Variants in AFG2A observed in about 807,000 individuals in gnomAD.
AFG2A encodes the protein AAA ATPase AFG2A.
the AFG2A span, chr4:122,933,348 A>G: frequency 1.1e-5 from 11 of 983,348 alleles, no homozygotes; most frequent in African/African-American, 5.0e-5. Flanking sequence ...GATTAAGTCT[A>G]TATTATAACC....
the AFG2A span, among the ~76,000 whole-genome samples, chr4:122,955,380 C>T: frequency 5.3e-5 from 8 of 152,272 alleles, no homozygotes; most frequent in East Asian, 1.2e-3. Flanking sequence ...ATGGCCTAAT[C>T]GCCTCCCAGT....
the AFG2A span, among the ~76,000 whole-genome samples, chr4:123,243,999 G>A: frequency 6.6e-6 from 1 of 152,024 alleles, no homozygotes; most frequent in Admixed American, 6.6e-5. Flanking sequence ...TCCAGCATGG[G>A]CAACAGAGCA....
At chr4:122,946,431 T>C in the AFG2A span, among the ~76,000 whole-genome samples, 1 of 152,246 alleles carries the variant, frequency 6.6e-6, no homozygotes, top group Non-Finnish European at 1.5e-5. Context: ...TTTTTGTACT[T>C]CTAAACTTAT....
chr4:123,312,286 G>C, the AFG2A span, among the ~76,000 whole-genome samples: 8 of 152,172 alleles, frequency 5.3e-5, no homozygotes, highest in African/African-American at 1.9e-4. Context: ...TATGAGGGGT[G>C]GGGGAGGTAT....
At chr4:123,217,705 A>C in the AFG2A span, among the ~76,000 whole-genome samples, 1 of 152,146 alleles carries the variant, frequency 6.6e-6, no homozygotes, top group South Asian at 2.1e-4. Flanking sequence ...AGAAGCAATC[A>C]CATTTTTATA....
the AFG2A span, among the ~76,000 whole-genome samples, chr4:123,168,706 T>C: frequency 3.3e-5 from 5 of 152,330 alleles, no homozygotes; most frequent in South Asian, 8.3e-4. Flanking sequence ...GTAAGTTCTT[T>C]TGTCTAAAGT....
the AFG2A span, among the ~76,000 whole-genome samples, chr4:123,141,917 G>A: frequency 0.012 from 1,798 of 152,174 alleles, 43 homozygotes; most frequent in African/African-American, 0.04. Context: ...CCTAAAAGGG[G>A]GGATATATGT....
At chr4:123,318,551 C>CTA in the AFG2A span, 2 of 152,122 alleles carry the variant, frequency 1.3e-5, no homozygotes, top group Non-Finnish European at 2.9e-5. Context: ...TCAGGTGTCA[C>CTA]TAATAACAGT....
At chr4:122,971,474 ATTATG>A in the AFG2A span, among the ~76,000 whole-genome samples, 1 of 152,192 alleles carries the variant, frequency 6.6e-6, no homozygotes, top group Admixed American at 6.5e-5. Flanking sequence ...TTATCTATCA[ATTATG>A]TTATAGTTTT....
At chr4:123,204,940 A>G in the AFG2A span, among the ~76,000 whole-genome samples, 1 of 152,214 alleles carries the variant, frequency 6.6e-6, no homozygotes, top group Non-Finnish European at 1.5e-5. Context: ...TACAATGGAA[A>G]TTGGCAATCA....
chr4:123,182,933 A>G, the AFG2A span, among the ~76,000 whole-genome samples: 7 of 152,322 alleles, frequency 4.6e-5, no homozygotes, highest in Admixed American at 2.0e-4. Context: ...TTTGCGTTAT[A>G]CACAGTTTAA....
chr4:123,165,175 A>G, the AFG2A span, among the ~76,000 whole-genome samples: 1 of 152,172 alleles, frequency 6.6e-6, no homozygotes, highest in Non-Finnish European at 1.5e-5. Flanking sequence ...AAGGAAAATT[A>G]TAGAGAAAAA....
chr4:123,169,342 A>G, the AFG2A span, among the ~76,000 whole-genome samples: 1 of 152,226 alleles, frequency 6.6e-6, no homozygotes, highest in African/African-American at 2.4e-5. Flanking sequence ...GGGAATTTAT[A>G]TTTAATACCA....
At chr4:123,246,903 T>C in the AFG2A span, among the ~76,000 whole-genome samples, 1 of 152,158 alleles carries the variant, frequency 6.6e-6, no homozygotes, top group Admixed American at 6.5e-5. Flanking sequence ...CCCGGCTCAT[T>C]TGGATTTGGG....
At chr4:123,137,868 A>G in the AFG2A span, among the ~76,000 whole-genome samples, 6 of 152,302 alleles carry the variant, frequency 3.9e-5, no homozygotes, top group South Asian at 2.1e-4. Context: ...AGCAATTACA[A>G]TATTCACATC....
chr4:123,020,259 C>A, the AFG2A span, among the ~76,000 whole-genome samples: 1 of 151,932 alleles, frequency 6.6e-6, no homozygotes, highest in African/African-American at 2.4e-5. Context: ...TGCAGTTTCA[C>A]TGTAGAAAAT....
chr4:123,098,469 A>T, the AFG2A span, among the ~76,000 whole-genome samples: 1 of 151,882 alleles, frequency 6.6e-6, no homozygotes, highest in Non-Finnish European at 1.5e-5. Context: ...TCTTGAACTT[A>T]TTTCTCCTGT....
At chr4:123,126,009 C>G in the AFG2A span, among the ~76,000 whole-genome samples, 3 of 152,280 alleles carry the variant, frequency 2.0e-5, no homozygotes, top group Admixed American at 1.3e-4. Context: ...AAGGAACATA[C>G]AGGGACTCCT....
chr4:123,002,442 C>G, the AFG2A span, among the ~76,000 whole-genome samples: 1 of 152,178 alleles, frequency 6.6e-6, no homozygotes, highest in Admixed American at 6.5e-5. Context: ...GCGGCTGGTA[C>G]CGGTTGTGCC....
Sources: gnomAD v4.1 joint callset for allele counts (sites outside exome capture counted in the v4.1 genomes callset) on GRCh38, gnomAD v4.1.1 for gene constraint, MANE v1.5 for transcripts, NCBI Gene and HGNC (gene_info 2026-07-23, HGNC 2026-07-21) for gene names.